The following NID1 variants were observed in gnomAD, a reference collection of about 807,000 sequenced individuals.
The protein encoded by NID1 is nidogen 1.
Under a neutral mutation model 130.6 loss-of-function variants are expected in NID1, and 76 were observed. The ratio of observed to expected loss-of-function variants is 0.58; its 90% confidence interval spans 0.48 to 0.70. The LOEUF (loss-of-function observed/expected upper bound fraction) is 0.70, where lower values mean the gene tolerates loss of function less well. Among genes scored for constraint, NID1 ranks in the 30% least tolerant of loss-of-function variants. The pLI is 0.00. For missense variants in NID1, 1,517 were observed against 1,664.8 expected, an observed-to-expected ratio of 0.91 and a Z score of 1.54; for synonymous variants, 665 against 675.1, an observed-to-expected ratio of 0.98 and a Z score of 0.23.
At chr1:235,996,168 G>A (rs1272350469) in intron 12 of NID1, among the ~76,000 whole-genome samples, 5 of 151,892 alleles carry the variant, frequency 3.3e-5, no homozygotes, top group Admixed American at 1.3e-4. Context: ...AAAACAAAAC[G>A]AAAACCCAAA....
At chr1:235,990,077 A>G (rs1426186771) in intron 14 of NID1, among the ~76,000 whole-genome samples, 1 of 152,268 alleles carries the variant, frequency 6.6e-6, no homozygotes, top group African/African-American at 2.4e-5. Context: ...GAGGCTTTTG[A>G]AAAGTATTTT....
intron 1 of NID1, among the ~76,000 whole-genome samples, chr1:236,061,718 C>T (rs146498179): frequency 1.4e-3 from 215 of 151,734 alleles, no homozygotes; most frequent in African/African-American, 4.9e-3. Context: ...AAGATGAGGC[C>T]CTTCTCAACA....
At chr1:236,028,418 G>A (rs1280596366) in intron 7 of NID1, among the ~76,000 whole-genome samples, 1 of 152,096 alleles carries the variant, frequency 6.6e-6, no homozygotes, top group African/African-American at 2.4e-5. Flanking sequence ...TGAGGTGGGA[G>A]GCTCACTTGA....
In NID1 at chr1:235,976,749, T is replaced by A. The variant is rs942245991; in HGVS notation, c.*1118A>T. ...GGATATGAACCATTAGTATAAATATTCAATTCAGTCTTTCCGGATTGTGTT... is the reference window on the plus strand; with the variant it reads ...GGATATGAACCATTAGTATAAATATACAATTCAGTCTTTCCGGATTGTGTT... On this transcript the variant is annotated 3_prime_UTR_variant, in exon 20 of 20. Transcript: ENST00000264187. The A allele has an allele frequency of 4.6e-5, 7 of 152,154 alleles. No individual in the cohort carries two copies. The highest frequency in any genetic ancestry group is 1.7e-4 in the African/African-American group (7 of 41,402). The allele number at this position is 152,154 out of a possible 1,614,324, so 9.4% of individuals were successfully genotyped here.
In NID1 at chr1:236,013,498, G is replaced by A. The variant is rs1402389278; in HGVS notation, c.2317C>T (p.Gln773Ter). 6.2e-7 allele frequency: 1 copy of A among 1,613,690 alleles called. No homozygotes were observed. The highest frequency in any genetic ancestry group is 8.5e-7 in the Non-Finnish European group (1 of 1,179,882). ...CCTGTGTAGATACACTGGGCCCGCT[G>A]GGGTATGTCGCAGTTATGAAGGCCA... ...ETGLHNCDIP[Q>*]RAQCIYTGGS... The change falls in exon 11 of 20, where the codon CAG becomes TAG. Residue 773 changes from glutamine (Q) to a stop codon, truncating the protein, a stop_gained. Transcript: ENST00000264187. LOFTEE classifies it high-confidence loss of function.
At chr1:236,006,159 T>C (rs1558429928) in intron 12 of NID1, among the ~76,000 whole-genome samples, 1 of 152,190 alleles carries the variant, frequency 6.6e-6, no homozygotes, top group Non-Finnish European at 1.5e-5. Context: ...TTGCAGTGAA[T>C]AGAATTAGAC....
At chr1:235,992,620 T>C (rs1657789740) in intron 13 of NID1, among the ~76,000 whole-genome samples, 1 of 152,134 alleles carries the variant, frequency 6.6e-6, no homozygotes, top group African/African-American at 2.4e-5. Context: ...AAAGCTCATC[T>C]CCCTACACTG....
intron 12 of NID1, among the ~76,000 whole-genome samples, chr1:235,998,968 T>C (rs1658003557): frequency 6.6e-6 from 1 of 152,222 alleles, no homozygotes; most frequent in Non-Finnish European, 1.5e-5. Context: ...AACGAGAACC[T>C]AGGTCTCTGG....
chr1:236,056,593 A>C (rs1041357007), intron 1 of NID1, among the ~76,000 whole-genome samples: 11 of 152,190 alleles, frequency 7.2e-5, no homozygotes, highest in Admixed American at 1.3e-4. Context: ...CCTTCTATCG[A>C]ACTGTATGTT....
chr1:236,031,899 G>A (rs2102831312), intron 6 of NID1, among the ~76,000 whole-genome samples: 1 of 152,322 alleles, frequency 6.6e-6, no homozygotes, highest in South Asian at 2.1e-4. Context: ...TAAGACTTCT[G>A]AGGATTATGT....
chr1:236,026,070 T>A lies in NID1; in HGVS notation c.1810A>T (p.Ile604Phe), dbSNP rs112270647. 64 of 1,613,848 alleles carry A rather than the reference T, an allele frequency of 4.0e-5. No individual in the cohort carries two copies. In the African/African-American group the frequency reaches 6.3e-4, roughly 16 times the overall value. Residue 604 changes from isoleucine (I) to phenylalanine (F), a missense_variant, in exon 8 of 20, where the codon ATC becomes TTC. Coordinates refer to ENST00000264187, the MANE Select transcript of NID1 (RefSeq NM_002508.3). ...GTCTGGCGCCACTGGTAAGTGTAGA[T>A]GCGTGAAGGAGATGCCCCATCTCGC... ...PERDGASPSR[I>F]YTYQWRQTIT...
At chr1:236,034,984 C>T (rs12126854) in intron 5 of NID1, among the ~76,000 whole-genome samples, 62,519 of 143,186 alleles carry the variant, frequency 0.44, 15,716 homozygotes, top group African/African-American at 0.71. Flanking sequence ...TTTTTTTTTT[C>T]TTTCTTTCTT....
intron 9 of NID1, among the ~76,000 whole-genome samples, chr1:236,023,565 A>G (rs1489183355): frequency 2.0e-5 from 3 of 152,214 alleles, no homozygotes; most frequent in Admixed American, 6.5e-5. Context: ...GAATGCATGC[A>G]ATGCCACTGA....
intron 1 of NID1, 193 bp downstream of exon 1, chr1:236,064,662 C>G: frequency 1.6e-6 from 1 of 632,974 alleles, no homozygotes; most frequent in South Asian, 1.7e-5. Context: ...ACCCGCTCTT[C>G]GGATAGCAGG....
intron 15 of NID1, 104 bp downstream of exon 15, chr1:235,985,275 G>T: frequency 8.4e-7 from 1 of 1,183,504 alleles, no homozygotes; most frequent in Non-Finnish European, 1.2e-6. Context: ...ACTGAGAAAT[G>T]TTTGTGAAAG....
rs59523526 is a variant in NID1, at chr1:236,028,687, C to CATAT, written c.1738+859_1738+862dup. ...AACTTATTCTCAAATGGTCAGTATA[C>CATAT]ATATATATATATATATATATGGAGA... On this transcript the variant is annotated intron_variant, in intron 7 of 19. Transcript: ENST00000264187. 4.4e-3 allele frequency among the ~76,000 whole-genome samples: 653 copies of CATAT among 146,980 alleles called. 2 individuals carry two copies. The highest frequency in any genetic ancestry group is 0.012 in the African/African-American group (504 of 40,534).
In NID1 at chr1:235,977,511, A is replaced by C; in HGVS notation, c.*356T>G. 1 of 187,970 alleles carries C rather than the reference A, an allele frequency of 5.3e-6. No individual in the cohort carries two copies. Among genetic ancestry groups the C allele is most frequent in the Non-Finnish European group, 1.1e-5 (1 of 89,438 alleles). The allele number at this position is 187,970 out of a possible 1,614,324, so 11.6% of individuals were successfully genotyped here. On this transcript the variant is annotated 3_prime_UTR_variant, in exon 20 of 20. Transcript: ENST00000264187. Reference sequence around the variant, plus strand: ...GGCTGAGCTCATAAGGCCACAGGGAAGGGTGCAACTCAAATTTGGGAGGTT... The same window carrying C: ...GGCTGAGCTCATAAGGCCACAGGGACGGGTGCAACTCAAATTTGGGAGGTT...
chr1:236,017,117 A>G, intron 10 of NID1, 31 bp downstream of exon 10: 1 of 1,613,708 alleles, frequency 6.2e-7, no homozygotes, highest in Non-Finnish European at 8.5e-7. Flanking sequence ...CCATGTGAAT[A>G]CTGTTTCGAA....
chr1:236,060,828 A>C (rs902033171), intron 1 of NID1: 1 of 152,036 alleles, frequency 6.6e-6, no homozygotes, highest in Non-Finnish European at 1.5e-5. Flanking sequence ...TCTATCAAAG[A>C]AGTAGCCCTT....
Sources: gnomAD v4.1 joint callset for allele counts (sites outside exome capture counted in the v4.1 genomes callset) on GRCh38, gnomAD v4.1.1 for gene constraint, MANE v1.5 for transcripts, NCBI Gene and HGNC (gene_info 2026-07-23, HGNC 2026-07-21) for gene names.